The following SH3BP2 variants were observed in gnomAD, a reference collection of about 807,000 sequenced individuals.
SH3BP2 encodes SH3 domain-binding protein 2.
Under a neutral mutation model 56.2 loss-of-function variants are expected in SH3BP2, and 38 were observed. The observed-to-expected ratio is 0.68, with a 90% CI of 0.52 to 0.89. SH3BP2 has a LOEUF of 0.89. Ranked by LOEUF, SH3BP2 falls within the 40% of genes least tolerant of loss-of-function variation. The pLI, the probability that SH3BP2 is intolerant of heterozygous loss-of-function variation, is 0.00. For synonymous variants in SH3BP2, 346 were observed against 316.7 expected, an observed-to-expected ratio of 1.09 and a Z score of -0.98; for missense variants, 748 against 762.6, an observed-to-expected ratio of 0.98 and a Z score of 0.23.
chr4:2,837,761 T>C lies in SH3BP2; in HGVS notation c.*3927T>C. On this transcript the variant is annotated 3_prime_UTR_variant, in exon 13 of 13. Coordinates refer to ENST00000503393, the MANE Select transcript of SH3BP2 (RefSeq NM_001122681.2). Reference sequence around the variant, plus strand: ...CCTCGCACACACCCCCTGCCTTATCTCTGCCTGCACGCCCTGTTCCCTCCA... The same window carrying C: ...CCTCGCACACACCCCCTGCCTTATCCCTGCCTGCACGCCCTGTTCCCTCCA... The C allele has an allele frequency of 6.6e-6, 1 of 152,574 alleles. No individual in the cohort carries two copies. The highest frequency in any genetic ancestry group is 1.5e-5 in the Non-Finnish European group (1 of 68,218). 9.5% of individuals were successfully genotyped at this position (152,574 alleles called of 1,614,324 possible).
At chr4:2,832,025 T>G (rs373379808) in intron 10 of SH3BP2, 47 bp downstream of exon 10, 21 of 1,589,304 alleles carry the variant, frequency 1.3e-5, no homozygotes, top group Non-Finnish European at 1.7e-5. Flanking sequence ...CATGCCCGGC[T>G]TCCTGCTTCT....
intron 1 of SH3BP2, among the ~76,000 whole-genome samples, chr4:2,818,561 G>A (rs913086805): frequency 6.6e-6 from 1 of 152,178 alleles, no homozygotes; most frequent in Non-Finnish European, 1.5e-5. Context: ...GCGGGCGGAT[G>A]GGGGACTCAG....
intron 5 of SH3BP2, among the ~76,000 whole-genome samples, chr4:2,825,640 C>T (rs1724575193): frequency 6.6e-6 from 1 of 152,242 alleles, no homozygotes; most frequent in African/African-American, 2.4e-5. Context: ...TCTCTCTGCT[C>T]CTGTCTACCT....
intron 3 of SH3BP2, among the ~76,000 whole-genome samples, chr4:2,823,910 TCC>T (rs1724448598): frequency 2.0e-5 from 3 of 152,146 alleles, no homozygotes; most frequent in Non-Finnish European, 4.4e-5. Flanking sequence ...GGCACAGAGC[TCC>T]GGGGTCCCCT....
At chr4:2,805,176 C>T (rs184812321) in intron 1 of SH3BP2, among the ~76,000 whole-genome samples, 29 of 152,268 alleles carry the variant, frequency 1.9e-4, no homozygotes, top group Admixed American at 3.3e-4. Flanking sequence ...GGAAGGTGCC[C>T]GGCAGATTTC....
rs1470225627 is a variant in SH3BP2 at position 2,840,156 on chromosome 4, T to G, written c.*6322T>G. 1 of 142,502 alleles carries G rather than the reference T, an allele frequency of 7.0e-6. No homozygotes were observed. The highest frequency in any genetic ancestry group is 1.5e-5 in the Non-Finnish European group (1 of 67,020). The allele number at this position is 142,502 out of a possible 1,614,324, so 8.8% of individuals were successfully genotyped here. On this transcript the variant is annotated 3_prime_UTR_variant, in exon 13 of 13. Transcript: ENST00000503393. Reference sequence around the variant, plus strand: ...GAGAGGATTGCTTGAGCCCAGAAGGTCAAGGCTGCAGTGAGCTGTGATTGT... The same window carrying G: ...GAGAGGATTGCTTGAGCCCAGAAGGGCAAGGCTGCAGTGAGCTGTGATTGT...
At position 2,829,656 on chromosome 4, in the gene SH3BP2, T is replaced by C. The variant is rs231399; in HGVS notation, c.750T>C (p.Ala250=). Residue 250 remains alanine (A), a synonymous_variant, in exon 8 of 13, where the codon GCT becomes GCC. Transcript: ENST00000503393. The surrounding 1 kb of genome is among the most constrained non-coding windows in gnomAD (Gnocchi z 4.9). The part of the protein sequence containing the change: ...PKHGLPDVGL[A]AEDSKRDPLC... ...ACGGCCTCCCAGATGTTGGCCTGGCTGCTGAGGACTCCAAGAGGGACCCAC... is the reference window on the plus strand; with the variant it reads ...ACGGCCTCCCAGATGTTGGCCTGGCCGCTGAGGACTCCAAGAGGGACCCAC... 1 of 1,612,148 alleles carries C rather than the reference T, an allele frequency of 6.2e-7. No homozygotes were observed. Among genetic ancestry groups the C allele is most frequent in the African/African-American group, 1.3e-5 (1 of 74,672 alleles).
intron 12 of SH3BP2, 191 bp from the exon 13 acceptor site, chr4:2,833,506 G>A (rs1488270420): frequency 7.3e-6 from 5 of 685,100 alleles, no homozygotes; most frequent in Admixed American, 2.2e-5. Flanking sequence ...GGACGGAGGG[G>A]AAGTGAGGTG....
At chr4:2,823,340 T>C (rs1361497826) in intron 3 of SH3BP2, 6 of 513,588 alleles carry the variant, frequency 1.2e-5, no homozygotes, top group Middle Eastern at 5.4e-4. Flanking sequence ...CAGTGACTTC[T>C]GCATCTCTCC....
chr4:2,832,085 T>C, intron 10 of SH3BP2, 107 bp downstream of exon 10: 4 of 1,208,776 alleles, frequency 3.3e-6, no homozygotes, highest in Non-Finnish European at 4.8e-6. Flanking sequence ...CACAAGTTCA[T>C]GGCCCTGCGT....
chr4:2,838,693 G>A lies in SH3BP2; in HGVS notation c.*4859G>A, dbSNP rs568869119. 2 of 151,476 alleles carry A rather than the reference G, an allele frequency of 1.3e-5. No homozygotes were observed. The highest frequency in any genetic ancestry group is 4.2e-4 in the South Asian group (2 of 4,810). The allele number at this position is 151,476 out of a possible 1,614,324, so 9.4% of individuals were successfully genotyped here. On this transcript the variant is annotated 3_prime_UTR_variant, in exon 13 of 13. Transcript: ENST00000503393. Reference sequence around the variant, plus strand: ...GTTAGTGGTAGTGTATTTTATGCGTGACCCGAGACAGTTCTTCCGGTATGG... The same window carrying A: ...GTTAGTGGTAGTGTATTTTATGCGTAACCCGAGACAGTTCTTCCGGTATGG...
chr4:2,829,880 C>G lies in SH3BP2; in HGVS notation c.974C>G (p.Thr325Ser), dbSNP rs747160915. ...CSTSSAAIMA[T>S]ATSRNCDKLK... Reference sequence around the variant, plus strand: ...ACTTCCAGTGCTGCCATCATGGCCACTGCCACCTCCAGAAACTGTGACAAA... The same window carrying G: ...ACTTCCAGTGCTGCCATCATGGCCAGTGCCACCTCCAGAAACTGTGACAAA... The change falls in exon 8 of 13, where the codon ACT (threonine) becomes AGT (serine). Residue 325 changes from threonine to serine, a missense_variant. Physicochemically the swap from Thr to Ser is moderately conservative, Grantham distance 58 (BLOSUM62 1). Around this residue, in one of 3 missense-constraint regions of SH3BP2, gnomAD observed 635 missense variants for 615.0 expected, o/e 1.03. Transcript: ENST00000503393. The surrounding 1 kb of genome is among the most constrained non-coding windows in gnomAD (Gnocchi z 4.9). 6.2e-7 allele frequency: 1 copy of G among 1,613,912 alleles called. No individual in the cohort carries two copies. The highest frequency in any genetic ancestry group is 1.1e-5 in the South Asian group (1 of 91,086).
rs1279832544 is a variant in SH3BP2, at chr4:2,835,015, C to T, written c.*1181C>T. ...GCTCAGGCCCAGCCCCAATCCATCC[C>T]CTTACTTTCTGCCATGGAGTTCCAG... On this transcript the variant is annotated 3_prime_UTR_variant, in exon 13 of 13. Transcript: ENST00000503393. The T allele has an allele frequency of 6.6e-6, 1 of 152,318 alleles. No homozygotes were observed. Among genetic ancestry groups the T allele is most frequent in the Non-Finnish European group, 1.5e-5 (1 of 68,128 alleles). 9.4% of individuals were successfully genotyped at this position (152,318 alleles called of 1,614,324 possible).
At chr4:2,826,694 CTG>C (rs374653238) in intron 5 of SH3BP2, 181 of 336,032 alleles carry the variant, frequency 5.4e-4, no homozygotes, top group African/African-American at 3.5e-3. Flanking sequence ...TCATGTTGCT[CTG>C]TGTGTGTGTG....
intron 1 of SH3BP2, chr4:2,818,177 C>T (rs1234673319): frequency 2.0e-6 from 2 of 984,178 alleles, no homozygotes; most frequent in South Asian, 4.7e-5. Flanking sequence ...CCCAGTCCCC[C>T]GCCGAGAGGG....
At chr4:2,802,532 A>ATGTG (rs138848543) in intron 1 of SH3BP2, among the ~76,000 whole-genome samples, 7 of 140,850 alleles carry the variant, frequency 5.0e-5, no homozygotes, top group African/African-American at 8.4e-5. Flanking sequence ...ATATATATGT[A>ATGTG]TGTGTGTGTG....
chr4:2,806,614 G>A (rs150003949), intron 1 of SH3BP2, among the ~76,000 whole-genome samples: 124 of 151,350 alleles, frequency 8.2e-4, no homozygotes, highest in African/African-American at 2.5e-3. Flanking sequence ...CCACCTCACC[G>A]TCTCCAGCCC....
intron 1 of SH3BP2, among the ~76,000 whole-genome samples, chr4:2,812,979 C>T (rs555686775): frequency 6.6e-6 from 1 of 152,284 alleles, no homozygotes; most frequent in Admixed American, 6.5e-5. Flanking sequence ...CCGCAGGGAC[C>T]TCAGGGACTG....
intron 2 of SH3BP2, among the ~76,000 whole-genome samples, chr4:2,822,166 A>G (rs1724345461): frequency 6.6e-6 from 1 of 151,608 alleles, no homozygotes; most frequent in East Asian, 2.0e-4. Flanking sequence ...CGCCTGGCCT[A>G]TTTATTATTT....
Sources: gnomAD v4.1 joint callset for allele counts (sites outside exome capture counted in the v4.1 genomes callset) on GRCh38, gnomAD v4.1.1 for gene constraint, gnomAD v4.1.1 regional missense constraint, Gnocchi (gnomAD v3.1) non-coding constraint, MANE v1.5 for transcripts, NCBI Gene and HGNC (gene_info 2026-07-23, HGNC 2026-07-21) for gene names.